Variants in FEZ2 observed in about 807,000 individuals in gnomAD.
The protein encoded by FEZ2 is fasciculation and elongation protein zeta-2.
In FEZ2, 51 loss-of-function variants were observed where a neutral mutation model predicts 40.4. The observed-to-expected ratio is 1.26, with a 90% CI of 1.01 to 1.59. The LOEUF is 1.59. Ranked by LOEUF, FEZ2 falls within the 40% of genes most tolerant of loss-of-function variation. The pLI, the probability that FEZ2 is intolerant of heterozygous loss-of-function variation, is 0.00. For missense variants in FEZ2, 640 were observed against 438.3 expected, an observed-to-expected ratio of 1.46 and a Z score of -4.11; for synonymous variants, 242 against 172.0, an observed-to-expected ratio of 1.41 and a Z score of -3.18.
chr2:36,554,963 T>C (rs1403902188), intron 7 of FEZ2, among the ~76,000 whole-genome samples: 2 of 152,204 alleles, frequency 1.3e-5, no homozygotes, highest in Non-Finnish European at 2.9e-5. Context: ...CAAAATCTGG[T>C]CCCTGAATAC....
At chr2:36,582,373 A>G (rs191385684) in intron 3 of FEZ2, among the ~76,000 whole-genome samples, 21 of 152,340 alleles carry the variant, frequency 1.4e-4, no homozygotes, top group African/African-American at 4.8e-4. Context: ...TATGTTAATT[A>G]TAAGAAGAGT....
chr2:36,596,937 G>A (rs573444745), intron 1 of FEZ2, among the ~76,000 whole-genome samples: 3 of 152,222 alleles, frequency 2.0e-5, no homozygotes, highest in Admixed American at 1.3e-4. Flanking sequence ...CGGCTCAGGT[G>A]GTTTAAAAAG....
At chr2:36,565,184 A>C (rs532472146) in intron 5 of FEZ2, among the ~76,000 whole-genome samples, 48 of 152,294 alleles carry the variant, frequency 3.2e-4, no homozygotes, top group African/African-American at 1.1e-3. Flanking sequence ...TTCCATCCCT[A>C]CTTTCACTTC....
chr2:36,581,504 CCTA>C (rs1344418909), intron 3 of FEZ2, 73 bp from the exon 4 acceptor site: 1 of 1,341,554 alleles, frequency 7.5e-7, no homozygotes, highest in African/African-American at 1.4e-5. Context: ...ACAGTGCTCA[CCTA>C]AGGCACCCAG....
At position 36,574,342 on chromosome 2, in the gene FEZ2, T is replaced by C. The variant is rs141364490; in HGVS notation, c.903+4255A>G. Among the ~76,000 whole-genome samples, 6 of 152,334 alleles carry C rather than the reference T, an allele frequency of 3.9e-5. No individual in the cohort carries two copies. In the East Asian group the frequency reaches 5.8e-4, roughly 15 times the overall value. ...GGCAGAAAGATCCAATATAGAAATA[T>C]ATATTTGCAAGTTTATCTTTCGTTC... On this transcript the variant is annotated intron_variant, in intron 5 of 7. Coordinates refer to ENST00000405912, the MANE Select transcript of FEZ2 (RefSeq NM_005102.3).
intron 7 of FEZ2, chr2:36,554,243 G>A (rs1190192201): frequency 4.2e-6 from 2 of 471,194 alleles, no homozygotes; most frequent in Non-Finnish European, 8.8e-6. Context: ...TGCGGTATAG[G>A]TAGGTTCACA....
At chr2:36,578,495 CT>C in intron 5 of FEZ2, 101 bp downstream of exon 5, 1 of 1,183,470 alleles carries the variant, frequency 8.4e-7, no homozygotes, top group Non-Finnish European at 1.2e-6. Flanking sequence ...GTTAACACTC[CT>C]GCCCATGTAC....
chr2:36,570,318 GTTTA>G (rs1441145447), intron 5 of FEZ2, among the ~76,000 whole-genome samples: 1 of 151,942 alleles, frequency 6.6e-6, no homozygotes, highest in Non-Finnish European at 1.5e-5. Flanking sequence ...TGTTATATGA[GTTTA>G]TTTTTATGGC....
At chr2:36,597,710 T>C (rs1035475733) in intron 1 of FEZ2, among the ~76,000 whole-genome samples, 167 bp downstream of exon 1, 4 of 152,138 alleles carry the variant, frequency 2.6e-5, no homozygotes, top group Non-Finnish European at 5.9e-5. Flanking sequence ...GGGATTTAAA[T>C]TGCTGGGCGA....
At chr2:36,569,474 A>G (rs1191196076) in intron 5 of FEZ2, among the ~76,000 whole-genome samples, 1 of 152,262 alleles carries the variant, frequency 6.6e-6, no homozygotes, top group East Asian at 1.9e-4. Flanking sequence ...ATCAGCAAAA[A>G]AGCTTAAACA....
chr2:36,560,556 C>T (rs1395407305), intron 5 of FEZ2, among the ~76,000 whole-genome samples: 3 of 152,166 alleles, frequency 2.0e-5, no homozygotes, highest in Non-Finnish European at 4.4e-5. Flanking sequence ...CTATAAAACA[C>T]GTCTTAAGAA....
At chr2:36,583,060 G>C (rs1668799536) in intron 3 of FEZ2, among the ~76,000 whole-genome samples, 1 of 152,088 alleles carries the variant, frequency 6.6e-6, no homozygotes, top group African/African-American at 2.4e-5. Context: ...AAAGAAACAA[G>C]GAAATTCACA....
intron 5 of FEZ2, among the ~76,000 whole-genome samples, chr2:36,567,245 T>C (rs7562131): frequency 0.012 from 1,852 of 151,868 alleles, 39 homozygotes; most frequent in African/African-American, 0.043. Context: ...TGAGGTGTCT[T>C]GACTTCTTGC....
chr2:36,586,377 G>A (rs1054986020), intron 2 of FEZ2, among the ~76,000 whole-genome samples: 2 of 152,180 alleles, frequency 1.3e-5, no homozygotes, highest in African/African-American at 4.8e-5. Flanking sequence ...GCTCATGCCT[G>A]TAATCCCAGC....
At chr2:36,575,443 C>T (rs1279604021) in intron 5 of FEZ2, among the ~76,000 whole-genome samples, 1 of 152,164 alleles carries the variant, frequency 6.6e-6, no homozygotes, top group African/African-American at 2.4e-5. Flanking sequence ...CCCACCTCAG[C>T]CTCTCAAAGT....
chr2:36,555,713 G>A lies in FEZ2; in HGVS notation c.1015C>T (p.Pro339Ser). Residue 339 changes from proline to serine, a missense_variant, in exon 7 of 8, where the codon CCG (proline) becomes TCG (serine). By Grantham distance (74) the Pro-to-Ser change is moderately conservative. Transcript: ENST00000405912. Reference protein sequence around the residue: ...RAMKEDSEKVPSLLTDYILKV... With the variant: ...RAMKEDSEKVSSLLTDYILKV... ...AGAATATAATCAGTTAACAAGCTCG[G>A]AACTTTTTCACTGTCCTCCTTCATG... The A allele has an allele frequency of 5.0e-6, 8 of 1,597,642 alleles. No homozygotes were observed. Among genetic ancestry groups the A allele is most frequent in the South Asian group, 1.1e-5 (1 of 88,404 alleles).
chr2:36,580,704 T>C (rs1157680222), intron 4 of FEZ2, among the ~76,000 whole-genome samples: 1 of 152,218 alleles, frequency 6.6e-6, no homozygotes, highest in Non-Finnish European at 1.5e-5. Flanking sequence ...TGGGGTTTCT[T>C]ATAGACTCAA....
intron 5 of FEZ2, among the ~76,000 whole-genome samples, chr2:36,565,879 C>T (rs970852369): frequency 6.6e-6 from 1 of 152,150 alleles, no homozygotes; most frequent in African/African-American, 2.4e-5. Flanking sequence ...CACCCCCATC[C>T]TTCCCCACCC....
intron 5 of FEZ2, among the ~76,000 whole-genome samples, chr2:36,573,302 T>C (rs1668468389): frequency 6.6e-6 from 1 of 152,184 alleles, no homozygotes; most frequent in Non-Finnish European, 1.5e-5. Context: ...GCTAAGCAGG[T>C]AGGCCATAAT....
Sources: gnomAD v4.1 joint callset for allele counts (sites outside exome capture counted in the v4.1 genomes callset) on GRCh38, gnomAD v4.1.1 for gene constraint, MANE v1.5 for transcripts, NCBI Gene and HGNC (gene_info 2026-07-23, HGNC 2026-07-21) for gene names.